Variants in SYK observed in about 807,000 individuals in gnomAD.
SYK encodes the protein spleen associated tyrosine kinase.
In SYK, 16 loss-of-function variants were observed where a neutral mutation model predicts 77.8. The ratio of observed to expected loss-of-function variants is 0.21; its 90% CI spans 0.14 to 0.31. The LOEUF is 0.31. SYK is among the 10% of genes least tolerant of loss of function. The pLI is 1.00. For missense variants in SYK, 529 were observed against 814.4 expected (o/e 0.65, Z 4.26); for synonymous variants, 312 against 308.7 (o/e 1.01, Z -0.11).
At chr9:90,822,935 G>A (rs986958961) in intron 1 of SYK, among the ~76,000 whole-genome samples, 5 of 152,204 alleles carry the variant, frequency 3.3e-5, no homozygotes, top group African/African-American at 1.2e-4. Flanking sequence ...TTATTGTGAA[G>A]ATCTGAGAAA....
intron 1 of SYK, among the ~76,000 whole-genome samples, chr9:90,803,494 T>C (rs1824689432): frequency 6.6e-6 from 1 of 152,214 alleles, no homozygotes; most frequent in Admixed American, 6.5e-5. Flanking sequence ...GTGTATACTT[T>C]AGGTCTTTAT....
chr9:90,849,119 T>TG (rs1431927866), intron 3 of SYK, among the ~76,000 whole-genome samples: 1 of 152,020 alleles, frequency 6.6e-6, no homozygotes, highest in Non-Finnish European at 1.5e-5. Flanking sequence ...TTGGGCAAGT[T>TG]GGGGGGGCTG....
intron 1 of SYK, among the ~76,000 whole-genome samples, chr9:90,813,936 G>A (rs766244622): frequency 5.9e-5 from 9 of 152,076 alleles, no homozygotes; most frequent in African/African-American, 1.7e-4. Context: ...TCCCCCGGGG[G>A]GCATCTTACT....
At chr9:90,864,485 T>C in intron 4 of SYK, 104 bp from the exon 5 acceptor site, 5 of 977,822 alleles carry the variant, frequency 5.1e-6, no homozygotes, top group African/African-American at 1.6e-5. Flanking sequence ...TTATGTGTCT[T>C]GGGGCCACTT....
chr9:90,867,039 A>T, intron 6 of SYK, 92 bp from the exon 7 acceptor site: 1 of 1,448,098 alleles, frequency 6.9e-7, no homozygotes, highest in Non-Finnish European at 9.7e-7. Context: ...TGGTGCGATT[A>T]TAGAAGCAAA....
intron 3 of SYK, among the ~76,000 whole-genome samples, chr9:90,848,887 G>A (rs1587857801): frequency 6.6e-6 from 1 of 152,216 alleles, no homozygotes; most frequent in Admixed American, 6.5e-5. Flanking sequence ...TGCTGCGTGG[G>A]GAGGATGGAC....
chr9:90,843,987 T>G lies in SYK; in HGVS notation c.89T>G (p.Val30Gly), dbSNP rs765749869. 1 of 1,609,584 alleles carries G rather than the reference T, an allele frequency of 6.2e-7. No homozygotes were observed. Among genetic ancestry groups the G allele is most frequent in the Non-Finnish European group, 8.5e-7 (1 of 1,177,702 alleles). ...ITREEAEDYLVQGGMSDGLYL... is the reference protein window; with the variant it reads ...ITREEAEDYLGQGGMSDGLYL... ...CGGGAGGAGGCAGAAGATTACCTGG[T>G]CCAGGGGGGCATGAGTGATGGGCTT... is the stretch of plus-strand genomic sequence containing the variant. Residue 30 changes from valine to glycine, a missense_variant, in exon 2 of 14, where the codon GTC (valine) becomes GGC (glycine). Around this residue, in one of 2 missense-constraint regions of SYK, gnomAD observed 321 missense variants for 433.1 expected, o/e 0.74. Transcript: ENST00000375754.
Position 90,895,712 on chromosome 9 carries a change from C to G in SYK, c.*112C>G. ...CCCTCTGCCAGTCGGGAGAGCCAGG[C>G]TTGGATGGAACATGCCCACAACTTG... On this transcript the variant is annotated 3_prime_UTR_variant, in exon 14 of 14. Coordinates refer to ENST00000375754, the MANE Select transcript of SYK (RefSeq NM_003177.7). This position sits in a 1 kb window ranked among gnomAD's most constrained non-coding sequence, Gnocchi z 4.4. 1 of 1,007,680 alleles carries G rather than the reference C, an allele frequency of 9.9e-7. No individual in the cohort carries two copies. Among genetic ancestry groups the G allele is most frequent in the Non-Finnish European group, 1.5e-6 (1 of 661,968 alleles). The allele number at this position is 1,007,680 out of a possible 1,614,324, so 62.4% of individuals were successfully genotyped here. A position where few individuals can be genotyped will look rare whatever the true frequency, so the allele number is the denominator to read the frequency against.
chr9:90,849,193 A>G (rs1826722129), intron 3 of SYK, among the ~76,000 whole-genome samples: 1 of 152,214 alleles, frequency 6.6e-6, no homozygotes, highest in Admixed American at 6.5e-5. Flanking sequence ...CTGCCACATC[A>G]TCGGTTTGCT....
intron 1 of SYK, among the ~76,000 whole-genome samples, chr9:90,832,986 A>C (rs1217369665): frequency 2.0e-5 from 3 of 152,200 alleles, no homozygotes; most frequent in Admixed American, 2.0e-4. Context: ...ACGGCTGGTC[A>C]CTTACTGCTG....
intron 9 of SYK, among the ~76,000 whole-genome samples, chr9:90,877,086 C>T (rs1255730302): frequency 6.6e-6 from 1 of 152,160 alleles, no homozygotes; most frequent in African/African-American, 2.4e-5. Context: ...CAGTGTTTCA[C>T]TGTGTCACCC....
intron 3 of SYK, among the ~76,000 whole-genome samples, chr9:90,846,470 CAAAGGA>C (rs1826600024): frequency 6.6e-6 from 1 of 152,154 alleles, no homozygotes; most frequent in Admixed American, 6.5e-5. Flanking sequence ...TCCATCTATT[CAAAGGA>C]ATTTCCTCAG....
At chr9:90,863,782 GC>G (rs762346884) in intron 4 of SYK, among the ~76,000 whole-genome samples, 1 of 152,106 alleles carries the variant, frequency 6.6e-6, no homozygotes, top group Non-Finnish European at 1.5e-5. Flanking sequence ...AAGGTCCCAG[GC>G]CCCATCACTT....
chr9:90,894,122 C>T (rs927663953), intron 13 of SYK, among the ~76,000 whole-genome samples: 1 of 152,206 alleles, frequency 6.6e-6, no homozygotes, highest in African/African-American at 2.4e-5. Flanking sequence ...AGAGCAAGAT[C>T]CAAAGGTGCT....
intron 1 of SYK, among the ~76,000 whole-genome samples, chr9:90,813,560 G>T (rs1004461151): frequency 6.6e-6 from 1 of 152,120 alleles, no homozygotes; most frequent in Admixed American, 6.5e-5. Context: ...TACCCCATCT[G>T]CAAAATGAGG....
chr9:90,816,903 TTG>T (rs1247617013), intron 1 of SYK, among the ~76,000 whole-genome samples: 1 of 152,256 alleles, frequency 6.6e-6, no homozygotes, highest in Non-Finnish European at 1.5e-5. Flanking sequence ...TAGTATTCCA[TTG>T]TGTGTGTGCC....
chr9:90,828,919 C>G (rs1471349166), intron 1 of SYK, among the ~76,000 whole-genome samples: 2 of 152,152 alleles, frequency 1.3e-5, no homozygotes, highest in Non-Finnish European at 2.9e-5. Flanking sequence ...AACTTGCCTC[C>G]CTGTCACACT....
At chr9:90,828,477 C>G (rs374000309) in intron 1 of SYK, among the ~76,000 whole-genome samples, 1 of 152,040 alleles carries the variant, frequency 6.6e-6, no homozygotes, top group Non-Finnish European at 1.5e-5. Flanking sequence ...TGAGGTGGCC[C>G]TGGGACATGG....
intron 1 of SYK, among the ~76,000 whole-genome samples, chr9:90,807,883 G>A (rs1824903119): frequency 6.6e-6 from 1 of 152,158 alleles, no homozygotes; most frequent in South Asian, 2.1e-4. Flanking sequence ...CTTTCGTCCT[G>A]TGCATTCATG....
Sources: allele counts gnomAD v4.1 joint callset (sites outside exome capture counted in the v4.1 genomes callset), GRCh38; gene constraint gnomAD v4.1.1; regional missense constraint gnomAD v4.1.1; non-coding constraint Gnocchi (gnomAD v3.1); transcripts MANE v1.5; gene names NCBI Gene and HGNC (gene_info 2026-07-23, HGNC 2026-07-21).